RTF2: variants seen among roughly 807,000 people sequenced by gnomAD.
RTF2 encodes the protein UPF0549 protein C20orf43.
In RTF2, 18 loss-of-function variants were observed where a neutral mutation model predicts 38.0. The ratio of observed to expected loss-of-function variants is 0.47; its 90% CI spans 0.33 to 0.70. The LOEUF is 0.70. Among genes scored for constraint, RTF2 ranks in the 30% least tolerant of loss-of-function variants. The pLI is 0.02. For missense variants in RTF2, 311 were observed against 379.6 expected (o/e 0.82, Z 1.50); for synonymous variants, 126 against 137.1 (o/e 0.92, Z 0.57).
chr20:56,478,334 A>G (rs1383462826), intron 4 of RTF2, among the ~76,000 whole-genome samples: 2 of 151,744 alleles, frequency 1.3e-5, no homozygotes, highest in South Asian at 2.1e-4. Context: ...ACGAAACAAA[A>G]TTTTTTTTTA....
chr20:56,481,013 C>T (rs1982501264), intron 4 of RTF2, among the ~76,000 whole-genome samples: 2 of 152,180 alleles, frequency 1.3e-5, no homozygotes, highest in Admixed American at 1.3e-4. Context: ...GCTGACACAC[C>T]TGCCAGATGC....
chr20:56,503,455 C>T (rs1036376427), intron 5 of RTF2, among the ~76,000 whole-genome samples: 18 of 152,136 alleles, frequency 1.2e-4, no homozygotes, highest in African/African-American at 4.1e-4. Context: ...ATCTGCCTCT[C>T]ATGTGAGGGG....
chr20:56,477,026 A>C lies in RTF2; in HGVS notation c.300A>C (p.Glu100Asp). Residue 100 changes from glutamate to aspartate, a missense_variant, in exon 4 of 9, where the codon GAA becomes GAC. Physicochemically the swap from Glu to Asp is conservative, Grantham distance 45. Coordinates refer to ENST00000357348, the MANE Select transcript of RTF2 (RefSeq NM_016407.5). The stretch of plus-strand genomic sequence containing the variant: ...AGCTTTCTGATAATCCTGCCTGGGA[A>C]GGGGATAAAGGAAACACTAAAGGTG... ...ELKLSDNPAW[E>D]GDKGNTKGDK... The C allele has an allele frequency of 6.2e-7, 1 of 1,614,110 alleles. No homozygotes were observed. Among genetic ancestry groups the C allele is most frequent in the Non-Finnish European group, 8.5e-7 (1 of 1,179,972 alleles).
chr20:56,508,288 A>G (rs887916902), intron 5 of RTF2, among the ~76,000 whole-genome samples: 12 of 151,438 alleles, frequency 7.9e-5, no homozygotes, highest in African/African-American at 2.9e-4. Context: ...ATCTTTGGCA[A>G]CTTCAGGAAA....
chr20:56,479,063 T>C (rs1025437602), intron 4 of RTF2, among the ~76,000 whole-genome samples: 2 of 152,180 alleles, frequency 1.3e-5, no homozygotes, highest in South Asian at 2.1e-4. Flanking sequence ...GCTCCACTTT[T>C]CTCATTCTCT....
intron 6 of RTF2, chr20:56,515,883 T>A (rs943867256): frequency 2.6e-5 from 4 of 152,240 alleles, no homozygotes; most frequent in African/African-American, 4.8e-5. Context: ...GCTACCAGGA[T>A]ACCAAAATAT....
intron 2 of RTF2, 92 bp downstream of exon 2, chr20:56,473,487 T>C (rs1490935461): frequency 1.1e-6 from 1 of 894,892 alleles, no homozygotes; most frequent in African/African-American, 1.7e-5. Flanking sequence ...CAAGCGTGGA[T>C]TATCCCAAGC....
At chr20:56,493,180 A>C (rs1225088434) in intron 5 of RTF2, among the ~76,000 whole-genome samples, 3 of 152,134 alleles carry the variant, frequency 2.0e-5, no homozygotes, top group Admixed American at 6.5e-5. Flanking sequence ...ATCTCCAAAA[A>C]AAACCTATCT....
intron 5 of RTF2, chr20:56,496,801 G>A (rs545457724): frequency 5.8e-6 from 9 of 1,552,070 alleles, no homozygotes; most frequent in Middle Eastern, 1.7e-4. Flanking sequence ...AAGTTATGGG[G>A]TGGTTTGTCT....
intron 6 of RTF2, among the ~76,000 whole-genome samples, chr20:56,514,993 G>A (rs1984931326): frequency 6.6e-6 from 1 of 150,904 alleles, no homozygotes; most frequent in Non-Finnish European, 1.5e-5. Context: ...GTTGCAGTGA[G>A]CCGAGATCGC....
chr20:56,468,654 G>C lies in RTF2; in HGVS notation c.-44G>C. On this transcript the variant is annotated 5_prime_UTR_variant, in exon 1 of 9. Transcript: ENST00000357348. ...GGATTTCGCCGGAAATCCCGGAAGT[G>C]ACAGCTTTGGGGGTTTGCTGCTGGC... is the stretch of plus-strand genomic sequence containing the variant. The C allele has an allele frequency of 2.6e-6, 4 of 1,533,256 alleles. No homozygotes were observed. Among genetic ancestry groups the C allele is most frequent in the Non-Finnish European group, 3.5e-6 (4 of 1,130,508 alleles). 95.0% of individuals were successfully genotyped at this position (1,533,256 alleles called of 1,614,324 possible). A position where few individuals can be genotyped will look rare whatever the true frequency, so the allele number is the denominator to read the frequency against.
intron 4 of RTF2, among the ~76,000 whole-genome samples, chr20:56,477,917 C>T (rs1982339900): frequency 6.6e-6 from 1 of 152,216 alleles, no homozygotes; most frequent in African/African-American, 2.4e-5. Flanking sequence ...CTAACAGATT[C>T]TCTGGCTGTA....
At chr20:56,470,047 C>T (rs193231582) in intron 1 of RTF2, among the ~76,000 whole-genome samples, 5 of 152,286 alleles carry the variant, frequency 3.3e-5, no homozygotes, top group Non-Finnish European at 7.4e-5. Flanking sequence ...AGACAGGAAC[C>T]TTGTGTGTCT....
chr20:56,481,690 T>G (rs1000535007), intron 4 of RTF2, among the ~76,000 whole-genome samples: 1 of 152,206 alleles, frequency 6.6e-6, no homozygotes, highest in South Asian at 2.1e-4. Flanking sequence ...ATTGGCCATT[T>G]TAAAGTGTAT....
chr20:56,495,131 A>T (rs1263787390), intron 5 of RTF2: 1 of 1,057,574 alleles, frequency 9.5e-7, no homozygotes, highest in Non-Finnish European at 1.4e-6. Flanking sequence ...GCCCACTAGG[A>T]TTGAGGCAGC....
At chr20:56,477,225 C>T (rs558110162) in intron 4 of RTF2, 101 bp downstream of exon 4, 26 of 1,410,764 alleles carry the variant, frequency 1.8e-5, no homozygotes, top group Non-Finnish European at 2.5e-5. Flanking sequence ...GGCTTGCTTT[C>T]TGGTGTCCTT....
At chr20:56,485,532 A>G (rs928503376) in intron 5 of RTF2, among the ~76,000 whole-genome samples, 2 of 152,132 alleles carry the variant, frequency 1.3e-5, no homozygotes, top group African/African-American at 4.8e-5. Flanking sequence ...CTAGACGTGG[A>G]GGAGGACTGG....
intron 3 of RTF2, among the ~76,000 whole-genome samples, chr20:56,475,615 T>C (rs1982198383): frequency 6.6e-6 from 1 of 152,200 alleles, no homozygotes; most frequent in Non-Finnish European, 1.5e-5. Flanking sequence ...GTAGTATGAA[T>C]CATCTTACAT....
chr20:56,514,365 T>G (rs984882458), intron 6 of RTF2: 4 of 149,404 alleles, frequency 2.7e-5, no homozygotes, highest in South Asian at 2.1e-4. Context: ...AAAAAAAAAG[T>G]TGGGTTCAGG....
Sources: gnomAD v4.1 joint callset for allele counts (sites outside exome capture counted in the v4.1 genomes callset) on GRCh38, gnomAD v4.1.1 for gene constraint, MANE v1.5 for transcripts, NCBI Gene and HGNC (gene_info 2026-07-23, HGNC 2026-07-21) for gene names.